Variants in EML4 observed in about 807,000 individuals in gnomAD.
EML4 encodes the protein EMAP like 4, also known as echinoderm microtubule-associated protein-like 4.
In EML4, 72 loss-of-function variants were observed where a neutral mutation model predicts 129.0. The ratio of observed to expected loss-of-function variants is 0.56; its 90% CI spans 0.46 to 0.68. The LOEUF (loss-of-function observed/expected upper bound fraction) is 0.68, where lower values mean the gene tolerates loss of function less well. EML4 is among the 30% of genes least tolerant of loss of function. The pLI is 0.00. For synonymous variants in EML4, 532 were observed against 405.0 expected (o/e 1.31, Z -3.77); for missense variants, 1,363 against 1,190.6 (o/e 1.14, Z -2.13).
chr2:42,197,515 A>G (rs1316062713), intron 1 of EML4, among the ~76,000 whole-genome samples: 1 of 152,222 alleles, frequency 6.6e-6, no homozygotes, highest in Non-Finnish European at 1.5e-5. Flanking sequence ...CTGCTTAAAT[A>G]CTAGATTTTT....
chr2:42,234,129 G>A (rs1674516352), intron 1 of EML4, among the ~76,000 whole-genome samples: 1 of 152,228 alleles, frequency 6.6e-6, no homozygotes, highest in Admixed American at 6.5e-5. Flanking sequence ...TGTGCTCACT[G>A]TCCTTCAGTT....
Position 42,328,985 on chromosome 2 carries a change from A to C in EML4, c.2441A>C (p.His814Pro). The C allele has an allele frequency of 6.2e-7, 1 of 1,613,104 alleles. No homozygotes were observed. The highest frequency in any genetic ancestry group is 2.2e-5 in the East Asian group (1 of 44,872). Residue 814 changes from histidine to proline, a missense_variant, in exon 22 of 23, where the codon CAT (histidine) becomes CCT (proline). Coordinates refer to ENST00000318522, the MANE Select transcript of EML4 (RefSeq NM_019063.5). The stretch of plus-strand genomic sequence containing the variant: ...GTTGCCGATGACTTTTGTAAAGTCC[A>C]TCTGTTTCAGTATCCCTGCTCCAAA... ...IAVADDFCKVHLFQYPCSKAK... is the reference protein window; with the variant it reads ...IAVADDFCKVPLFQYPCSKAK...
At chr2:42,277,696 G>C (rs1468377670) in intron 6 of EML4, among the ~76,000 whole-genome samples, 3 of 151,790 alleles carry the variant, frequency 2.0e-5, no homozygotes, top group Non-Finnish European at 4.4e-5. Flanking sequence ...AGCCTTCCGA[G>C]TAGCTGGGAT....
rs1202775803 is a variant in EML4 at position 42,330,223 on chromosome 2, G to A, written c.*16G>A. ...CTCGTCCTAACACCCTGGCTTCAGT[G>A]CAACTCTTTTCCTTCAGCTGCATGT... On this transcript the variant is annotated 3_prime_UTR_variant, in exon 23 of 23. Coordinates refer to ENST00000318522, the MANE Select transcript of EML4 (RefSeq NM_019063.5). 1.2e-6 allele frequency: 2 copies of A among 1,606,630 alleles called. No individual in the cohort carries two copies. The highest frequency in any genetic ancestry group is 1.1e-5 in the South Asian group (1 of 90,820).
intron 21 of EML4, among the ~76,000 whole-genome samples, chr2:42,327,183 CTT>C (rs1669854912): frequency 6.6e-6 from 1 of 152,166 alleles, no homozygotes; most frequent in Admixed American, 6.5e-5. Flanking sequence ...GTACTTTACT[CTT>C]TTTATGGCTG....
At chr2:42,196,787 T>C (rs1314097956) in intron 1 of EML4, among the ~76,000 whole-genome samples, 1 of 152,180 alleles carries the variant, frequency 6.6e-6, no homozygotes, top group Non-Finnish European at 1.5e-5. Context: ...ATGCAGGAGT[T>C]TGTGGCTTGA....
chr2:42,216,297 C>G (rs547060010), intron 1 of EML4, among the ~76,000 whole-genome samples: 56 of 119,634 alleles, frequency 4.7e-4, no homozygotes, highest in African/African-American at 1.8e-3. Flanking sequence ...GGCTGGAGTG[C>G]AGTGGCGCGA....
intron 6 of EML4, among the ~76,000 whole-genome samples, chr2:42,268,256 T>C (rs547440985): frequency 1.3e-5 from 2 of 152,102 alleles, no homozygotes; most frequent in East Asian, 1.9e-4. Context: ...CAATACAATA[T>C]AACAACTAAT....
At chr2:42,176,500 C>T (rs1436585480) in intron 1 of EML4, among the ~76,000 whole-genome samples, 1 of 152,196 alleles carries the variant, frequency 6.6e-6, no homozygotes, top group Non-Finnish European at 1.5e-5. Context: ...TTTCTACTGT[C>T]TTACCATGTT....
At chr2:42,212,814 T>A (rs1672961667) in intron 1 of EML4, among the ~76,000 whole-genome samples, 1 of 152,234 alleles carries the variant, frequency 6.6e-6, no homozygotes, top group African/African-American at 2.4e-5. Flanking sequence ...TACCTGTGGA[T>A]ATTTTAAAAG....
chr2:42,264,798 G>A (rs79508909), intron 6 of EML4, 67 bp downstream of exon 6: 1 of 1,412,274 alleles, frequency 7.1e-7, no homozygotes, highest in East Asian at 2.4e-5. Flanking sequence ...TAATTGAAAA[G>A]AATATTTTCA....
At chr2:42,194,335 T>TTC (rs1175257729) in intron 1 of EML4, among the ~76,000 whole-genome samples, 7 of 126,102 alleles carry the variant, frequency 5.6e-5, no homozygotes, top group East Asian at 2.9e-4. Context: ...TATTTTTCAC[T>TTC]TCTCTCTCTC....
chr2:42,305,549 T>C (rs898939522), intron 17 of EML4, among the ~76,000 whole-genome samples: 1 of 152,244 alleles, frequency 6.6e-6, no homozygotes, highest in African/African-American at 2.4e-5. Context: ...GCTACGCAGA[T>C]ATATAATAAA....
intron 1 of EML4, among the ~76,000 whole-genome samples, chr2:42,179,263 G>GT (rs11396677): frequency 0.18 from 25,542 of 142,708 alleles, 2,787 homozygotes; most frequent in African/African-American, 0.31. Context: ...GGGGAGCTGG[G>GT]TTTTTTTTTT....
chr2:42,292,898 T>C (rs1332143162), intron 11 of EML4, among the ~76,000 whole-genome samples: 1 of 152,316 alleles, frequency 6.6e-6, no homozygotes, highest in Non-Finnish European at 1.5e-5. Context: ...GCTGGGAATA[T>C]TTGTAGTTAG....
At chr2:42,264,201 C>T (rs1457425650) in intron 5 of EML4, among the ~76,000 whole-genome samples, 24 of 147,062 alleles carry the variant, frequency 1.6e-4, no homozygotes, top group Non-Finnish European at 1.8e-4. Flanking sequence ...GCAGCCTTCA[C>T]CTTCCTGGGC....
Position 42,317,825 on chromosome 2 carries a change from C to A in EML4, c.2154+301C>A, listed in dbSNP as rs1001422202. On this transcript the variant is annotated intron_variant, in intron 19 of 22. Coordinates refer to ENST00000318522, the MANE Select transcript of EML4 (RefSeq NM_019063.5). ...AACACTTTTTGAAAATTGAATGAGT[C>A]AGAAATAAAAGAACATCTCATGTTT... Among the ~76,000 whole-genome samples, 3 of 152,100 alleles carry A rather than the reference C, an allele frequency of 2.0e-5. No individual in the cohort carries two copies. Among genetic ancestry groups the A allele is most frequent in the African/African-American group, 7.2e-5 (3 of 41,418 alleles).
chr2:42,312,721 T>C (rs1159880667), intron 17 of EML4, among the ~76,000 whole-genome samples: 3 of 151,304 alleles, frequency 2.0e-5, no homozygotes, highest in Admixed American at 2.0e-4. Context: ...GCCTGGCTAA[T>C]TTTTTGTATT....
At position 42,325,602 on chromosome 2, in the gene EML4, T is replaced by TATATATATATATA. The variant is rs1558614750; in HGVS notation, c.2242+48_2242+49insATATATATATATA. 387 of 129,242 alleles carry TATATATATATATA rather than the reference T, an allele frequency of 3.0e-3. 30 individuals carry two copies. The highest frequency in any genetic ancestry group is 5.1e-3 in the East Asian group (20 of 3,932). 8.0% of individuals were successfully genotyped at this position (129,242 alleles called of 1,614,324 possible). On this transcript the variant is annotated intron_variant, in intron 20 of 22. Transcript: ENST00000318522. Reference sequence around the variant, plus strand: ...ATATATATATATGCTATGATTATATTTATATATATATATATATATATATAT... The same window carrying TATATATATATATA: ...ATATATATATATGCTATGATTATATTATATATATATATATATATATATATATATATATATATAT...
Sources: gnomAD v4.1 joint callset for allele counts (sites outside exome capture counted in the v4.1 genomes callset) on GRCh38, gnomAD v4.1.1 for gene constraint, MANE v1.5 for transcripts, NCBI Gene and HGNC (gene_info 2026-07-23, HGNC 2026-07-21) for gene names.